FBN1: variants seen among roughly 807,000 people sequenced by gnomAD.
The protein encoded by FBN1 is fibrillin 1.
FBN1 carries 29 observed loss-of-function variants against 365.1 expected under a neutral mutation model. The ratio of observed to expected loss-of-function variants is 0.08; its 90% CI spans 0.06 to 0.11. The LOEUF (loss-of-function observed/expected upper bound fraction) is 0.11, where lower values mean the gene tolerates loss of function less well. FBN1 is among the 10% of genes least tolerant of loss of function. The pLI is 1.00. For missense variants in FBN1, 2,476 were observed against 3,703.2 expected (o/e 0.67, Z 8.60); for synonymous variants, 1,210 against 1,270.5 (o/e 0.95, Z 1.01).
intron 58 of FBN1, among the ~76,000 whole-genome samples, chr15:48,427,232 C>T (rs1224616082): frequency 6.6e-6 from 1 of 152,216 alleles, no homozygotes; most frequent in Non-Finnish European, 1.5e-5. Context: ...CTGGTTTGCA[C>T]ATTTAATAAT....
chr15:48,643,257 C>T (rs1365961110), intron 2 of FBN1: 3 of 152,230 alleles, frequency 2.0e-5, no homozygotes, highest in Admixed American at 1.3e-4. Context: ...GGGCAATAAA[C>T]ATCTGCTGTC....
At position 48,456,687 on chromosome 15, in the gene FBN1, C is replaced by T. The variant is rs886038848; in HGVS notation, c.5372G>A (p.Cys1791Tyr). 1 of 1,614,044 alleles carries T rather than the reference C, an allele frequency of 6.2e-7. No individual in the cohort carries two copies. Among genetic ancestry groups the T allele is most frequent in the Non-Finnish European group, 8.5e-7 (1 of 1,179,900 alleles). ...VCINMVGSFR[C>Y]ECPVGFFYND... ...ATAGAAGAATCCCACTGGACATTCACATCGGAAGCTGCCAACCATGTTGAT... is the reference window on the plus strand; with the variant it reads ...ATAGAAGAATCCCACTGGACATTCATATCGGAAGCTGCCAACCATGTTGAT... The change falls in exon 44 of 66, where the codon TGT becomes TAT. Residue 1791 changes from cysteine (C) to tyrosine (Y), a missense_variant. This residue lies in a region of FBN1 where 1,780 missense variants were observed against 2,840.8 expected (regional missense o/e 0.63). Transcript: ENST00000316623.
Position 48,410,347 on chromosome 15 carries a change from T to A in FBN1, c.*643A>T, listed in dbSNP as rs1047093313. On this transcript the variant is annotated 3_prime_UTR_variant, in exon 66 of 66. Transcript: ENST00000316623. The stretch of plus-strand genomic sequence containing the variant: ...ACAAACCCTCACATTAAGGGCATTA[T>A]TATTCTAGTTTATAAATGTTTCAAT... 1.3e-5 allele frequency: 2 copies of A among 152,850 alleles called. No individual in the cohort carries two copies. Among genetic ancestry groups the A allele is most frequent in the Non-Finnish European group, 2.9e-5 (2 of 68,224 alleles). 9.5% of individuals were successfully genotyped at this position (152,850 alleles called of 1,614,324 possible).
rs151232024 is a variant in FBN1, at chr15:48,487,346, G to T, written c.3429C>A (p.Gly1143=). 23 of 1,614,214 alleles carry T rather than the reference G, an allele frequency of 1.4e-5. No homozygotes were observed. The African/African-American group carries it at 3.1e-4, about 22-fold the overall frequency. ...EGSYRCECPP[G]HQLSPNISAC... ...CGGAGATGTTGGGGGACAGCTGATG[G>T]CCAGGCGGGCATTCACAGCGGTAAC... The change falls in exon 28 of 66, where the codon GGC becomes GGA. Residue 1143 remains glycine, a synonymous_variant. Coordinates refer to ENST00000316623, the MANE Select transcript of FBN1 (RefSeq NM_000138.5).
intron 6 of FBN1, among the ~76,000 whole-genome samples, chr15:48,580,616 A>G (rs1174346120): frequency 6.6e-6 from 1 of 152,174 alleles, no homozygotes; most frequent in Non-Finnish European, 1.5e-5. Flanking sequence ...ACTTTAGGCC[A>G]TTCCAGTGAT....
intron 18 of FBN1, among the ~76,000 whole-genome samples, chr15:48,498,085 G>C (rs1027119735): frequency 9.2e-5 from 14 of 151,824 alleles, no homozygotes; most frequent in Non-Finnish European, 1.9e-4. Context: ...ACTGAGGAGG[G>C]AATCTCATAG....
At position 48,496,215 on chromosome 15, in the gene FBN1, T is replaced by C; in HGVS notation, c.2304A>G (p.Glu768=). 6.2e-7 allele frequency: 1 copy of C among 1,613,772 alleles called. No individual in the cohort carries two copies. Among genetic ancestry groups the C allele is most frequent in the Non-Finnish European group, 8.5e-7 (1 of 1,179,756 alleles). The change falls in exon 20 of 66, where the codon GAA becomes GAG. Residue 768 remains glutamate (E), a synonymous_variant. Transcript: ENST00000316623. ...CACAAAGGAGACTGTTCAGTACACA[T>C]TCATTAATATCTGCAAAGTCAATGA... The part of the protein sequence containing the change: ...STGKNCVDIN[E]CVLNSLLCDN...
intron 42 of FBN1, 115 bp downstream of exon 42, chr15:48,462,967 T>A: frequency 1.9e-6 from 2 of 1,058,548 alleles, no homozygotes; most frequent in African/African-American, 1.6e-5. Flanking sequence ...GCCGTTTTTT[T>A]CCCTGTAAAG....
rs373455312 is a variant in FBN1, at chr15:48,541,120, C to A, written c.539-3312G>T. ...GGAAGATCTTCATTAAAAAAAAAAA[C>A]CCCTTAAGACTTTTCCAGGGTCAAT... is the stretch of plus-strand genomic sequence containing the variant. On this transcript the variant is annotated intron_variant, in intron 6 of 65. Coordinates refer to ENST00000316623, the MANE Select transcript of FBN1 (RefSeq NM_000138.5). Among the ~76,000 whole-genome samples the A allele has an allele frequency of 9.0e-4, 136 of 151,286 alleles. 1 individual carries two copies. The highest frequency in any genetic ancestry group is 2.5e-3 in the African/African-American group (101 of 41,130).
At chr15:48,593,540 T>C (rs940842107) in intron 6 of FBN1, among the ~76,000 whole-genome samples, 2 of 152,216 alleles carry the variant, frequency 1.3e-5, no homozygotes, top group African/African-American at 4.8e-5. Context: ...CAGCTCTGTT[T>C]AGCATGAAAC....
chr15:48,420,152 G>A (rs1424791433), intron 63 of FBN1, among the ~76,000 whole-genome samples: 2 of 152,098 alleles, frequency 1.3e-5, no homozygotes, highest in East Asian at 3.8e-4. Flanking sequence ...GAGAGAGTCA[G>A]TAGATCTCCC....
intron 64 of FBN1, among the ~76,000 whole-genome samples, chr15:48,414,397 T>G (rs901486925): frequency 6.6e-6 from 1 of 152,106 alleles, no homozygotes; most frequent in Non-Finnish European, 1.5e-5. Context: ...TGTGTGGGGG[T>G]GTGTGTGTAC....
intron 6 of FBN1, among the ~76,000 whole-genome samples, chr15:48,583,591 T>C (rs1222982961): frequency 6.6e-6 from 1 of 152,242 alleles, no homozygotes; most frequent in Non-Finnish European, 1.5e-5. Context: ...ATTTCTAAAA[T>C]AGCTAAGTAC....
At chr15:48,517,004 T>G (rs1566917187) in intron 10 of FBN1, among the ~76,000 whole-genome samples, 1 of 152,078 alleles carries the variant, frequency 6.6e-6, no homozygotes, top group Non-Finnish European at 1.5e-5. Context: ...CTCAGTGAAG[T>G]AGTAAGTGTC....
intron 34 of FBN1, among the ~76,000 whole-genome samples, 185 bp from the exon 35 acceptor site, chr15:48,472,861 T>A (rs2043389337): frequency 6.6e-6 from 1 of 152,216 alleles, no homozygotes; most frequent in Non-Finnish European, 1.5e-5. Flanking sequence ...TGATTCAGAA[T>A]CCTGAATGAT....
rs753703844 is a variant in FBN1 at position 48,537,703 on chromosome 15, C to T, written c.644G>A (p.Arg215Gln). The change falls in exon 7 of 66, where the codon CGA (arginine) becomes CAA (glutamine). Residue 215 changes from arginine to glutamine, a missense_variant. Arg to Gln is a conservative substitution (Grantham distance 43). Coordinates refer to ENST00000316623, the MANE Select transcript of FBN1 (RefSeq NM_000138.5). ...TKTLCCATVG[R>Q]AWGHPCEMCP... is the part of the protein sequence containing the mutation. ...CATCTCACAGGGGTGGCCCCAGGCT[C>T]GGCCGACTGTGGCACAGCAGAGCGT... The T allele has an allele frequency of 3.7e-6, 6 of 1,614,096 alleles. No homozygotes were observed. In the South Asian group the frequency reaches 4.4e-5, roughly 12 times the overall value.
chr15:48,420,560 G>T (rs2303505), intron 63 of FBN1, 127 bp downstream of exon 63: 22,616 of 1,303,354 alleles, frequency 0.017, 580 homozygotes, highest in East Asian at 0.1. Context: ...GTTTCAACCA[G>T]GTTAGGGCAA....
At chr15:48,475,520 G>A (rs1414305232) in intron 32 of FBN1, among the ~76,000 whole-genome samples, 1 of 152,046 alleles carries the variant, frequency 6.6e-6, no homozygotes, top group Non-Finnish European at 1.5e-5. Context: ...ATTCTATAAT[G>A]GGTTACCCTC....
chr15:48,464,695 C>T (rs539563778), intron 40 of FBN1, among the ~76,000 whole-genome samples: 98 of 152,226 alleles, frequency 6.4e-4, no homozygotes, highest in Admixed American at 2.8e-3. Context: ...AAGACAAGTA[C>T]GCTTCTTATG....
Sources: gnomAD v4.1 joint callset for allele counts (sites outside exome capture counted in the v4.1 genomes callset) on GRCh38, gnomAD v4.1.1 for gene constraint, gnomAD v4.1.1 regional missense constraint, MANE v1.5 for transcripts, NCBI Gene and HGNC (gene_info 2026-07-23, HGNC 2026-07-21) for gene names.